The following CYFIP2 variants were observed in gnomAD, a reference collection of about 807,000 sequenced individuals.
CYFIP2 encodes cytoplasmic FMR1 interacting protein 2, also known as cytoplasmic FMR1-interacting protein 2.
Under a neutral mutation model 158.7 loss-of-function variants are expected in CYFIP2, and 29 were observed. The ratio of observed to expected loss-of-function variants is 0.18; its 90% CI spans 0.14 to 0.25. The LOEUF is 0.25. CYFIP2 is among the 10% of genes least tolerant of loss of function. The pLI, the probability that CYFIP2 is intolerant of heterozygous loss-of-function variation, is 1.00. For synonymous variants in CYFIP2, 585 were observed against 617.6 expected, an observed-to-expected ratio of 0.95 and a Z score of 0.78; for missense variants, 852 against 1,639.5, an observed-to-expected ratio of 0.52 and a Z score of 8.29.
intron 26 of CYFIP2, among the ~76,000 whole-genome samples, chr5:157,381,802 C>T (rs754106878): frequency 4.0e-5 from 6 of 151,012 alleles, no homozygotes; most frequent in Non-Finnish European, 7.4e-5. Flanking sequence ...TGCTTAGAAT[C>T]CCAAAGTGTC....
intron 3 of CYFIP2, among the ~76,000 whole-genome samples, chr5:157,292,132 T>G (rs1198452792): frequency 6.6e-6 from 1 of 152,220 alleles, no homozygotes; most frequent in Non-Finnish European, 1.5e-5. Context: ...TCTAAATAAA[T>G]AATCCAATAT....
At chr5:157,278,054 A>G (rs367753749) in intron 1 of CYFIP2, among the ~76,000 whole-genome samples, 2 of 152,310 alleles carry the variant, frequency 1.3e-5, no homozygotes, top group African/African-American at 4.8e-5. Flanking sequence ...CATCATATAT[A>G]TGATCCACTG....
At chr5:157,333,809 GA>G (rs1761660245) in intron 21 of CYFIP2, among the ~76,000 whole-genome samples, 1 of 152,208 alleles carries the variant, frequency 6.6e-6, no homozygotes, top group Non-Finnish European at 1.5e-5. Context: ...ATAAGGCCCA[GA>G]AGGGCTTTGC....
At chr5:157,283,151 A>G (rs903382976) in intron 1 of CYFIP2, among the ~76,000 whole-genome samples, 1 of 152,218 alleles carries the variant, frequency 6.6e-6, no homozygotes, top group Non-Finnish European at 1.5e-5. Flanking sequence ...ACTTGCCAGC[A>G]CTTGATCCTA....
chr5:157,343,039 C>T (rs540389707), intron 23 of CYFIP2: 17 of 1,614,072 alleles, frequency 1.1e-5, no homozygotes, highest in East Asian at 4.5e-5. Flanking sequence ...GACCAAGATC[C>T]GGGGCCTCCT....
intron 15 of CYFIP2, chr5:157,323,036 G>T: frequency 6.5e-7 from 1 of 1,535,864 alleles, no homozygotes; most frequent in Non-Finnish European, 8.7e-7. Context: ...CGCCTGGCTG[G>T]GTTGGTTTGG....
At chr5:157,307,144 T>A (rs1157488633) in intron 8 of CYFIP2, among the ~76,000 whole-genome samples, 2 of 152,162 alleles carry the variant, frequency 1.3e-5, no homozygotes, top group East Asian at 3.9e-4. Flanking sequence ...GGAAGAGATT[T>A]TTTTTAAAAA....
intron 4 of CYFIP2, 70 bp downstream of exon 4, chr5:157,294,930 A>C: frequency 1.6e-6 from 2 of 1,276,302 alleles, no homozygotes; most frequent in Non-Finnish European, 2.2e-6. Flanking sequence ...TCATCCCCAA[A>C]CCAGAGAGCT....
At chr5:157,307,639 G>GTGTGTGTGTA in intron 8 of CYFIP2, 122 bp from the exon 9 acceptor site, 2 of 574,550 alleles carry the variant, frequency 3.5e-6, no homozygotes, top group Non-Finnish European at 6.3e-6. Flanking sequence ...TCTACAGGGT[G>GTGTGTGTGTA]TGTGTGTGTG....
chr5:157,394,251 AGAAG>A lies in CYFIP2; in HGVS notation c.*1258_*1261del, dbSNP rs1358050842. The A allele has an allele frequency of 6.6e-6, 1 of 152,224 alleles. No homozygotes were observed. The highest frequency in any genetic ancestry group is 1.5e-5 in the Non-Finnish European group (1 of 68,040). The allele number at this position is 152,224 out of a possible 1,614,324, so 9.4% of individuals were successfully genotyped here. A position where few individuals can be genotyped will look rare whatever the true frequency, so the allele number is the denominator to read the frequency against. On this transcript the variant is annotated 3_prime_UTR_variant, in exon 31 of 31. Coordinates refer to ENST00000620254, the MANE Select transcript of CYFIP2 (RefSeq NM_001037333.3). ...GCAGAATCTCCCACCGAGTGTGGTAAGAAGGAAGGACAAAAGGCTTTAGGATATA... is the reference window on the plus strand; with the variant it reads ...GCAGAATCTCCCACCGAGTGTGGTAAGAAGGACAAAAGGCTTTAGGATATA...
chr5:157,336,631 T>G (rs1227483726), intron 21 of CYFIP2, among the ~76,000 whole-genome samples: 1 of 152,194 alleles, frequency 6.6e-6, no homozygotes, highest in Non-Finnish European at 1.5e-5. Context: ...AATCAGGTCT[T>G]CTTTCGTTGA....
At chr5:157,366,513 T>C (rs935411807) in intron 26 of CYFIP2, among the ~76,000 whole-genome samples, 24 of 152,338 alleles carry the variant, frequency 1.6e-4, no homozygotes, top group African/African-American at 5.5e-4. Flanking sequence ...TTTAAGTCCA[T>C]ATTATTCACC....
chr5:157,379,630 C>G (rs1765838986), intron 26 of CYFIP2, among the ~76,000 whole-genome samples: 1 of 131,956 alleles, frequency 7.6e-6, no homozygotes, highest in South Asian at 2.4e-4. Flanking sequence ...GATTACACTA[C>G]TGCATTCCAG....
intron 4 of CYFIP2, chr5:157,296,464 C>A: frequency 1.8e-6 from 1 of 551,132 alleles, no homozygotes; most frequent in Non-Finnish European, 3.5e-6. Flanking sequence ...TATAGTGTTG[C>A]ATGCCTGAAG....
intron 4 of CYFIP2, 31 bp from the exon 5 acceptor site, chr5:157,296,642 A>C: frequency 6.3e-7 from 1 of 1,587,500 alleles, no homozygotes; most frequent in Non-Finnish European, 8.6e-7. Context: ...GGTGTAAACC[A>C]GGATGTGTGT....
intron 8 of CYFIP2, among the ~76,000 whole-genome samples, chr5:157,306,135 C>T (rs1292112876): frequency 6.6e-6 from 1 of 152,134 alleles, no homozygotes; most frequent in Non-Finnish European, 1.5e-5. Context: ...GGTGGTTTTT[C>T]CTTTCTTCTC....
intron 10 of CYFIP2, among the ~76,000 whole-genome samples, chr5:157,310,623 T>C (rs1247899122): frequency 6.6e-6 from 1 of 152,232 alleles, no homozygotes; most frequent in African/African-American, 2.4e-5. Flanking sequence ...TGGAGAATGC[T>C]GAACTCATTC....
chr5:157,336,264 CAG>C (rs576171645), intron 21 of CYFIP2, among the ~76,000 whole-genome samples: 2 of 152,334 alleles, frequency 1.3e-5, no homozygotes, highest in African/African-American at 4.8e-5. Context: ...GCTGAGCAAA[CAG>C]AGTCTCAGCA....
intron 3 of CYFIP2, 90 bp from the exon 4 acceptor site, chr5:157,294,693 C>T: frequency 9.6e-7 from 1 of 1,042,640 alleles, no homozygotes. Flanking sequence ...GGTCCATGGA[C>T]CATACCATAA....
Sources: gnomAD v4.1 joint callset for allele counts (sites outside exome capture counted in the v4.1 genomes callset) on GRCh38, gnomAD v4.1.1 for gene constraint, MANE v1.5 for transcripts, NCBI Gene and HGNC (gene_info 2026-07-23, HGNC 2026-07-21) for gene names.